CSMD1: variants seen among roughly 807,000 people sequenced by gnomAD.
CSMD1 encodes CUB and Sushi multiple domains 1.
A neutral mutation model predicts 417.5 loss-of-function variants in CSMD1; 213 were observed. That is an observed-to-expected ratio of 0.51 (90% confidence interval 0.46 to 0.57). The LOEUF (loss-of-function observed/expected upper bound fraction) is 0.57. Ranked by LOEUF, CSMD1 falls within the 20% of genes least tolerant of loss-of-function variation. The probability of loss-of-function intolerance (pLI) is 0.00; values close to 1 mark genes in which losing one functional copy is unlikely to be tolerated. For missense variants in CSMD1, 6,923 were observed against 4,529.7 expected (o/e 1.53, Z -15.17); for synonymous variants, 2,862 against 1,736.8 (o/e 1.65, Z -16.11).
intron 6 of CSMD1, among the ~76,000 whole-genome samples, chr8:3,740,218 G>A (rs1477175625): frequency 6.6e-6 from 1 of 152,144 alleles, no homozygotes; most frequent in Non-Finnish European, 1.5e-5. Flanking sequence ...TGAGTCTCCT[G>A]CCTCAGCCTC....
In CSMD1 at chr8:3,957,270, G is replaced by T. The variant is rs578035954; in HGVS notation, c.818+40633C>A. Among the ~76,000 whole-genome samples, 3 of 152,108 alleles carry T rather than the reference G, an allele frequency of 2.0e-5. No homozygotes were observed. In the South Asian group the frequency reaches 6.2e-4, roughly 32 times the overall value. On this transcript the variant is annotated intron_variant, in intron 5 of 69. Transcript: ENST00000635120. ...GTGTGTAGGTTTCACTATCGCAGTG[G>T]GGATACATGTACTTTTGTGCCCTCA...
chr8:4,987,899 ACCAGTGGTTTTC>A (rs988805508), intron 1 of CSMD1, among the ~76,000 whole-genome samples: 1 of 152,104 alleles, frequency 6.6e-6, no homozygotes, highest in African/African-American at 2.4e-5. Context: ...TTGGACTTAC[ACCAGTGGTTTTC>A]CGGGGTGTCT....
chr8:3,433,544 CGG>C (rs1352574734), intron 12 of CSMD1, among the ~76,000 whole-genome samples: 1 of 152,056 alleles, frequency 6.6e-6, no homozygotes, highest in Non-Finnish European at 1.5e-5. Flanking sequence ...ATGGTTCTTT[CGG>C]ACAGTCTAAA....
At position 4,094,548 on chromosome 8, in the gene CSMD1, T is replaced by C. The variant is rs575763261; in HGVS notation, c.416-62449A>G. 1.1e-4 allele frequency among the ~76,000 whole-genome samples: 17 copies of C among 152,216 alleles called. No individual in the cohort carries two copies. In the South Asian group the frequency reaches 3.1e-3, roughly 28 times the overall value. Reference sequence around the variant, plus strand: ...CAGATTAAATAGCTTCAGTGGGAGATTCTTGTAGACGCCCACATGAAAATA... The same window carrying C: ...CAGATTAAATAGCTTCAGTGGGAGACTCTTGTAGACGCCCACATGAAAATA... On this transcript the variant is annotated intron_variant, in intron 3 of 69. Transcript: ENST00000635120.
Position 3,818,249 on chromosome 8 carries a change from G to T in CSMD1, c.819-64207C>A, listed in dbSNP as rs148937060. 2.6e-5 allele frequency among the ~76,000 whole-genome samples: 4 copies of T among 152,206 alleles called. No homozygotes were observed. The East Asian group carries it at 7.8e-4, about 30-fold the overall frequency. On this transcript the variant is annotated intron_variant, in intron 5 of 69. Transcript: ENST00000635120. ...CCCAAGATGCAGCCCCTGGGTCCGT[G>T]CAGCACAGGTGCTTCACCCTCTCTA... is the stretch of plus-strand genomic sequence containing the variant.
intron 4 of CSMD1, among the ~76,000 whole-genome samples, chr8:4,013,065 C>G (rs1796354820): frequency 6.6e-6 from 1 of 152,090 alleles, no homozygotes; most frequent in African/African-American, 2.4e-5. Context: ...GTTCTTTTCT[C>G]ATAAGTAGCC....
intron 10 of CSMD1, among the ~76,000 whole-genome samples, chr8:3,494,554 T>C (rs576964536): frequency 5.2e-4 from 76 of 145,736 alleles, no homozygotes; most frequent in African/African-American, 1.9e-3. Flanking sequence ...ACAGATTAGA[T>C]GATAGATAGA....
intron 7 of CSMD1, among the ~76,000 whole-genome samples, chr8:3,680,603 GA>G (rs1208064196): frequency 1.3e-5 from 2 of 152,146 alleles, no homozygotes; most frequent in African/African-American, 2.4e-5. Context: ...ATTTCTATCA[GA>G]CGTACAAAGA....
At chr8:3,523,076 G>A (rs13282057) in intron 10 of CSMD1, among the ~76,000 whole-genome samples, 3 of 150,500 alleles carry the variant, frequency 2.0e-5, no homozygotes, top group Admixed American at 6.6e-5. Context: ...TTGAATTCAG[G>A]TCTCTAACTC....
intron 12 of CSMD1, among the ~76,000 whole-genome samples, chr8:3,419,296 T>C (rs1813342606): frequency 6.6e-6 from 1 of 152,194 alleles, no homozygotes; most frequent in Non-Finnish European, 1.5e-5. Flanking sequence ...TCAGGTTCAC[T>C]GTAAACTTCA....
At chr8:4,235,435 T>C (rs1194234789) in intron 3 of CSMD1, among the ~76,000 whole-genome samples, 1 of 152,134 alleles carries the variant, frequency 6.6e-6, no homozygotes, top group African/African-American at 2.4e-5. Context: ...GGCTATGTAG[T>C]ATGCCATGTC....
intron 1 of CSMD1, among the ~76,000 whole-genome samples, chr8:4,805,941 G>T (rs1413598266): frequency 6.6e-6 from 1 of 152,100 alleles, no homozygotes; most frequent in East Asian, 1.9e-4. Context: ...GTAAACCTGA[G>T]CCTTTGCTAG....
At chr8:3,706,822 C>G (rs181179436) in intron 7 of CSMD1, among the ~76,000 whole-genome samples, 88 of 152,270 alleles carry the variant, frequency 5.8e-4, no homozygotes, top group Admixed American at 5.4e-3. Flanking sequence ...ATACTAAAAG[C>G]TAACAATATC....
intron 10 of CSMD1, among the ~76,000 whole-genome samples, chr8:3,559,989 C>G (rs1436305318): frequency 6.6e-6 from 1 of 152,014 alleles, no homozygotes; most frequent in East Asian, 1.9e-4. Flanking sequence ...TTCTGGATTT[C>G]CTAACAAGAT....
Position 3,386,262 on chromosome 8 carries a change from C to T in CSMD1, c.2782+1232G>A, listed in dbSNP as rs185257474. Among the ~76,000 whole-genome samples the T allele has an allele frequency of 7.5e-4, 114 of 152,330 alleles. 1 individual carries two copies. The highest frequency in any genetic ancestry group is 3.7e-3 in the Admixed American group (57 of 15,304). On this transcript the variant is annotated intron_variant, in intron 18 of 69. Coordinates refer to ENST00000635120, the MANE Select transcript of CSMD1 (RefSeq NM_033225.6). ...CCTTCACCTGGGGGGCTCACCCCTG[C>T]GTTGCTTGGCCAGTGGCTCATGTCA...
At chr8:4,975,989 C>T (rs187911820) in intron 1 of CSMD1, among the ~76,000 whole-genome samples, 14 of 152,156 alleles carry the variant, frequency 9.2e-5, no homozygotes, top group African/African-American at 3.4e-4. Flanking sequence ...AGGTGTACAA[C>T]AGACACTCAA....
chr8:3,498,687 TCTTA>T (rs1166344516), intron 10 of CSMD1, among the ~76,000 whole-genome samples: 4 of 152,234 alleles, frequency 2.6e-5, no homozygotes, highest in Non-Finnish European at 5.9e-5. Context: ...CATTCCTTAT[TCTTA>T]CTTATTCTTT....
At chr8:3,360,948 T>C (rs1445090895) in intron 20 of CSMD1, among the ~76,000 whole-genome samples, 1 of 152,108 alleles carries the variant, frequency 6.6e-6, no homozygotes, top group Non-Finnish European at 1.5e-5. Context: ...TGGAACTCTG[T>C]ACCTAAACAC....
At chr8:3,160,234 C>T (rs1819797695) in intron 38 of CSMD1, among the ~76,000 whole-genome samples, 1 of 152,102 alleles carries the variant, frequency 6.6e-6, no homozygotes, top group African/African-American at 2.4e-5. Context: ...GCGATCCACC[C>T]ACCTCAGCCT....
Sources: gnomAD v4.1 joint callset for allele counts (sites outside exome capture counted in the v4.1 genomes callset) on GRCh38, gnomAD v4.1.1 for gene constraint, MANE v1.5 for transcripts, NCBI Gene and HGNC (gene_info 2026-07-23, HGNC 2026-07-21) for gene names.